SLC25A13: variants seen among roughly 807,000 people sequenced by gnomAD.
SLC25A13 encodes the protein solute carrier family 25 member 13.
SLC25A13 carries 70 observed loss-of-function variants against 85.5 expected under a neutral mutation model. That is an observed-to-expected ratio of 0.82 (90% CI 0.68 to 1.00). The LOEUF (loss-of-function observed/expected upper bound fraction) is 1.00, where lower values mean the gene tolerates loss of function less well. SLC25A13 is among the 50% of genes least tolerant of loss of function. The probability of loss-of-function intolerance (pLI) is 0.00; values close to 1 mark genes in which losing one functional copy is unlikely to be tolerated. For synonymous variants in SLC25A13, 259 were observed against 288.7 expected, an observed-to-expected ratio of 0.90 and a Z score of 1.04; for missense variants, 765 against 819.8, an observed-to-expected ratio of 0.93 and a Z score of 0.82.
chr7:96,237,818 GGAT>G, intron 3 of SLC25A13, among the ~76,000 whole-genome samples: 1 of 152,210 alleles, frequency 6.6e-6, no homozygotes, highest in East Asian at 1.9e-4. Flanking sequence ...TAACTGAGTG[GGAT>G]GATGATACCA....
chr7:96,134,373 G>T (rs1236777248), intron 14 of SLC25A13, among the ~76,000 whole-genome samples: 1 of 151,960 alleles, frequency 6.6e-6, no homozygotes, highest in African/African-American at 2.4e-5. Flanking sequence ...ATTATTTGTT[G>T]GGAATGTAAC....
chr7:96,206,277 T>C (rs1795460976), intron 5 of SLC25A13, among the ~76,000 whole-genome samples: 1 of 152,062 alleles, frequency 6.6e-6, no homozygotes, highest in Non-Finnish European at 1.5e-5. Context: ...TATTTCTGAG[T>C]CCTGCCCAAG....
At chr7:96,254,705 T>C (rs79608696) in intron 3 of SLC25A13, among the ~76,000 whole-genome samples, 1,876 of 152,188 alleles carry the variant, frequency 0.012, 38 homozygotes, top group African/African-American at 0.043. Context: ...ATAGAGTTGA[T>C]AGAGCTGCCT....
At chr7:96,312,508 CA>C (rs1190121630) in intron 1 of SLC25A13, among the ~76,000 whole-genome samples, 1 of 152,090 alleles carries the variant, frequency 6.6e-6, no homozygotes, top group African/African-American at 2.4e-5. Flanking sequence ...TTATAAAGAT[CA>C]AATAATGAAG....
intron 1 of SLC25A13, among the ~76,000 whole-genome samples, chr7:96,303,067 T>C (rs938356307): frequency 1.3e-5 from 2 of 152,170 alleles, no homozygotes; most frequent in Non-Finnish European, 2.9e-5. Context: ...ATTTCTAGAA[T>C]GGATATCTTT....
Position 96,277,246 on chromosome 7 carries a change from A to G in SLC25A13, c.162T>C (p.Asn54=). The change falls in exon 3 of 18, where the codon AAT becomes AAC. Residue 54 remains asparagine, a synonymous_variant. Transcript: ENST00000265631. The stretch of plus-strand genomic sequence containing the variant: ...CACTTAAAAGTTCCACAGTCTTTGG[A>G]TTAGGCTGGCTTTCTCCAAAAATGT... The part of the protein sequence containing the change: ...YLNIFGESQP[N]PKTVELLSGV... 6.2e-7 allele frequency: 1 copy of G among 1,610,626 alleles called. No individual in the cohort carries two copies. The highest frequency in any genetic ancestry group is 8.5e-7 in the Non-Finnish European group (1 of 1,178,266).
chr7:96,128,957 T>G (rs948692166), intron 15 of SLC25A13, among the ~76,000 whole-genome samples: 3 of 147,844 alleles, frequency 2.0e-5, no homozygotes, highest in African/African-American at 7.4e-5. Flanking sequence ...TCTCTCTCTC[T>G]CTCTCTCTCT....
chr7:96,181,771 G>T (rs4727335), intron 11 of SLC25A13, among the ~76,000 whole-genome samples: 1 of 151,964 alleles, frequency 6.6e-6, no homozygotes, highest in South Asian at 2.1e-4. Context: ...AAACATGTAT[G>T]AATTAAAGAT....
At chr7:96,198,481 G>A (rs1379845362) in intron 5 of SLC25A13, among the ~76,000 whole-genome samples, 1 of 152,214 alleles carries the variant, frequency 6.6e-6, no homozygotes, top group Non-Finnish European at 1.5e-5. Flanking sequence ...CAGGGGCTAT[G>A]CCAAGAACTT....
rs140511619 is a variant in SLC25A13 at position 96,141,715 on chromosome 7, C to T, written c.1452+4841G>A. ...ACTAAACAACTGCTTCCTTCAGGTC[C>T]GGCTGTGAGCACGTAAAAATACAAG... On this transcript the variant is annotated intron_variant, in intron 14 of 17. Coordinates refer to ENST00000265631, the MANE Select transcript of SLC25A13 (RefSeq NM_014251.3). Among the ~76,000 whole-genome samples the T allele has an allele frequency of 1.0e-2, 1,514 of 152,088 alleles. 19 individuals carry two copies. Among genetic ancestry groups the T allele is most frequent in the African/African-American group, 0.034 (1,406 of 41,472 alleles).
At chr7:96,180,726 A>C (rs961634371) in intron 11 of SLC25A13, among the ~76,000 whole-genome samples, 2 of 152,256 alleles carry the variant, frequency 1.3e-5, no homozygotes, top group Non-Finnish European at 2.9e-5. Context: ...CTGAGAGAGA[A>C]GACTGCAACA....
chr7:96,254,925 A>T (rs1369785774), intron 3 of SLC25A13, among the ~76,000 whole-genome samples: 1 of 152,194 alleles, frequency 6.6e-6, no homozygotes, highest in Non-Finnish European at 1.5e-5. Flanking sequence ...TATAGTTTTG[A>T]TTTGGGAAAC....
intron 3 of SLC25A13, among the ~76,000 whole-genome samples, chr7:96,258,644 G>C (rs1298415511): frequency 1.3e-5 from 2 of 152,012 alleles, no homozygotes; most frequent in Admixed American, 6.6e-5. Context: ...ACTGACCAAA[G>C]TAATTTATAG....
chr7:96,296,459 C>G (rs890336586), intron 2 of SLC25A13, among the ~76,000 whole-genome samples: 3 of 152,012 alleles, frequency 2.0e-5, no homozygotes, highest in African/African-American at 7.2e-5. Context: ...AGGCTCTCCC[C>G]TCTTAAGACA....
intron 4 of SLC25A13, among the ~76,000 whole-genome samples, chr7:96,224,271 G>A (rs1796249848): frequency 1.3e-5 from 2 of 152,114 alleles, no homozygotes; most frequent in South Asian, 2.1e-4. Context: ...AGTCAACTCA[G>A]CAAAAATCAT....
intron 1 of SLC25A13, among the ~76,000 whole-genome samples, chr7:96,311,361 T>C (rs753797943): frequency 6.6e-6 from 1 of 152,178 alleles, no homozygotes; most frequent in Non-Finnish European, 1.5e-5. Context: ...GGAAGTATTC[T>C]AGCCAAAACC....
chr7:96,152,849 C>T (rs1793104304), intron 13 of SLC25A13, among the ~76,000 whole-genome samples: 2 of 152,138 alleles, frequency 1.3e-5, no homozygotes, highest in African/African-American at 4.8e-5. Context: ...TGTCTACTGA[C>T]ACAGGGAGGC....
At chr7:96,202,729 G>A (rs1035939989) in intron 5 of SLC25A13, among the ~76,000 whole-genome samples, 10 of 152,158 alleles carry the variant, frequency 6.6e-5, no homozygotes, top group African/African-American at 2.4e-4. Context: ...AGAGGCAGCA[G>A]AGCCAATACA....
intron 1 of SLC25A13, among the ~76,000 whole-genome samples, chr7:96,319,585 G>A (rs1800262371): frequency 6.8e-6 from 1 of 146,886 alleles, no homozygotes; most frequent in Non-Finnish European, 1.5e-5. Flanking sequence ...AGCAGTATAA[G>A]GAGACTTCTC....
Sources: gnomAD v4.1 joint callset for allele counts (sites outside exome capture counted in the v4.1 genomes callset) on GRCh38, gnomAD v4.1.1 for gene constraint, MANE v1.5 for transcripts, NCBI Gene and HGNC (gene_info 2026-07-23, HGNC 2026-07-21) for gene names.